FAM178B: variants seen among roughly 807,000 people sequenced by gnomAD.
The protein encoded by FAM178B is protein FAM178B.
FAM178B carries 82 observed loss-of-function variants against 91.7 expected under a neutral mutation model. The observed-to-expected ratio is 0.89, with a 90% CI of 0.75 to 1.07. The LOEUF (loss-of-function observed/expected upper bound fraction) is 1.07. FAM178B is among the 50% of genes least tolerant of loss of function. The pLI, the probability that FAM178B is intolerant of heterozygous loss-of-function variation, is 0.00. For synonymous variants in FAM178B, 368 were observed against 359.4 expected, an observed-to-expected ratio of 1.02 and a Z score of -0.27; for missense variants, 769 against 846.7, an observed-to-expected ratio of 0.91 and a Z score of 1.14.
intron 1 of FAM178B, among the ~76,000 whole-genome samples, chr2:96,977,073 G>T (rs574287869): frequency 2.3e-4 from 34 of 147,282 alleles, no homozygotes; most frequent in African/African-American, 8.5e-4. Context: ...CAGGCACCTG[G>T]AGTCCCAGCT....
intron 12 of FAM178B, among the ~76,000 whole-genome samples, chr2:96,917,131 C>A (rs1173087298): frequency 1.3e-5 from 2 of 152,120 alleles, no homozygotes; most frequent in African/African-American, 4.8e-5. Flanking sequence ...CAGAGGCTGG[C>A]GGCCAGCCAG....
chr2:96,893,941 GGCACTA>G lies in FAM178B; in HGVS notation c.1755_1760del (p.Ser586_Ala587del). ...GCTCACTCACCTTGTGGTCTAGCTC[GGCACTA>G]GCCTTTGGCTGTTGCTCCTGGCAGG... On this transcript the variant is annotated inframe_deletion, in exon 14 of 17. Coordinates refer to ENST00000490605, the MANE Select transcript of FAM178B (RefSeq NM_001122646.3). The G allele has an allele frequency of 6.2e-7, 1 of 1,612,480 alleles. No individual in the cohort carries two copies. Among genetic ancestry groups the G allele is most frequent in the Non-Finnish European group, 8.5e-7 (1 of 1,179,482 alleles).
intron 13 of FAM178B, chr2:96,895,054 C>A (rs1196454490): frequency 1.6e-6 from 2 of 1,289,224 alleles, no homozygotes; most frequent in African/African-American, 1.5e-5. Flanking sequence ...CCCCAACAGT[C>A]CATCACCATG....
chr2:96,912,116 G>A (rs1165678308), intron 12 of FAM178B, among the ~76,000 whole-genome samples: 1 of 152,130 alleles, frequency 6.6e-6, no homozygotes, highest in African/African-American at 2.4e-5. Context: ...TGCGGGGAGA[G>A]ACAAAGGAAA....
At chr2:96,904,775 T>C (rs773698705) in intron 12 of FAM178B, among the ~76,000 whole-genome samples, 42 of 152,048 alleles carry the variant, frequency 2.8e-4, no homozygotes, top group Admixed American at 1.4e-3. Context: ...CTACTCAGGA[T>C]GTTGAGGTGG....
chr2:96,950,190 C>T, intron 7 of FAM178B: 1 of 985,052 alleles, frequency 1.0e-6, no homozygotes, highest in Middle Eastern at 5.2e-4. Flanking sequence ...TCAGATGGGT[C>T]CTTTGTGCCT....
intron 12 of FAM178B, among the ~76,000 whole-genome samples, chr2:96,913,049 T>C (rs961724533): frequency 6.6e-6 from 1 of 152,144 alleles, no homozygotes; most frequent in African/African-American, 2.4e-5. Context: ...CAGGAACGCA[T>C]TTATTTGCTG....
intron 8 of FAM178B, among the ~76,000 whole-genome samples, chr2:96,940,305 G>A (rs1164436774): frequency 1.3e-5 from 2 of 152,190 alleles, no homozygotes; most frequent in Non-Finnish European, 2.9e-5. Context: ...TGCTGCCACC[G>A]CCACAGGAGA....
chr2:96,878,433 T>A lies in FAM178B; in HGVS notation c.1837A>T (p.Ile613Phe). 6.2e-7 allele frequency: 1 copy of A among 1,613,976 alleles called. No individual in the cohort carries two copies. The highest frequency in any genetic ancestry group is 2.2e-5 in the East Asian group (1 of 44,880). The change falls in exon 15 of 17, where the codon ATC (isoleucine) becomes TTC (phenylalanine). Residue 613 changes from isoleucine to phenylalanine, a missense_variant. Physicochemically the swap from Ile to Phe is conservative, Grantham distance 21. Coordinates refer to ENST00000490605, the MANE Select transcript of FAM178B (RefSeq NM_001122646.3). Reference sequence around the variant, plus strand: ...AGACTCACCCACTGGTCTGGAGTGATGTCCTGGCAGCTAACAACTACCCCG... The same window carrying A: ...AGACTCACCCACTGGTCTGGAGTGAAGTCCTGGCAGCTAACAACTACCCCG... ...LAGVVVSCQD[I>F]TPDQWGELQL... is the part of the protein sequence containing the mutation.
chr2:96,914,712 G>A (rs1332506193), intron 12 of FAM178B, among the ~76,000 whole-genome samples: 1 of 152,156 alleles, frequency 6.6e-6, no homozygotes, highest in Non-Finnish European at 1.5e-5. Context: ...AACACAGGGA[G>A]ATCCTGTCTC....
In FAM178B at chr2:96,927,701, C is replaced by A. The variant is rs72942950; in HGVS notation, c.1193+1505G>T. ...GTCACGCAGCATGAAGGGCAAGCCG[C>A]AGTCAAATCCTGGGAGAACCGGGAG... is the stretch of plus-strand genomic sequence containing the variant. On this transcript the variant is annotated intron_variant, in intron 9 of 16. Coordinates refer to ENST00000490605, the MANE Select transcript of FAM178B (RefSeq NM_001122646.3). 8.8e-3 allele frequency among the ~76,000 whole-genome samples: 1,341 copies of A among 152,328 alleles called. 18 individuals carry two copies. The highest frequency in any genetic ancestry group is 0.03 in the African/African-American group (1,258 of 41,570).
intron 6 of FAM178B, 72 bp from the exon 7 acceptor site, chr2:96,951,556 G>T: frequency 8.7e-7 from 1 of 1,144,840 alleles, no homozygotes; most frequent in Non-Finnish European, 1.3e-6. Context: ...ACCGCGGGAG[G>T]CTGTCACTAC....
intron 14 of FAM178B, among the ~76,000 whole-genome samples, chr2:96,879,887 G>A (rs886253256): frequency 6.6e-6 from 1 of 152,258 alleles, no homozygotes; most frequent in Non-Finnish European, 1.5e-5. Context: ...GCGATGCACT[G>A]CTGGCTCCCT....
intron 14 of FAM178B, among the ~76,000 whole-genome samples, chr2:96,893,000 G>A (rs1033803729): frequency 2.6e-5 from 4 of 152,216 alleles, no homozygotes; most frequent in Non-Finnish European, 5.9e-5. Context: ...TTCCAGAAGA[G>A]GAGCGTGCAC....
At position 96,976,820 on chromosome 2, in the gene FAM178B, C is replaced by T. The variant is rs1379803298; in HGVS notation, c.74-4214G>A. Among the ~76,000 whole-genome samples the T allele has an allele frequency of 8.6e-5, 13 of 151,432 alleles. No individual in the cohort carries two copies. The East Asian group carries it at 2.5e-3, about 29-fold the overall frequency. On this transcript the variant is annotated intron_variant, in intron 1 of 16. Transcript: ENST00000490605. ...CTAAGATCATGCCACTGCACTCTGG[C>T]CTGGACAACAAAGGGAGACTCATTT...
chr2:96,910,380 A>G (rs2081131393), intron 12 of FAM178B, among the ~76,000 whole-genome samples: 1 of 151,906 alleles, frequency 6.6e-6, no homozygotes, highest in Admixed American at 6.6e-5. Flanking sequence ...AGCCTCCCAC[A>G]CTCTCTTAGG....
At chr2:96,883,733 C>T (rs1056090177) in intron 14 of FAM178B, among the ~76,000 whole-genome samples, 2 of 152,208 alleles carry the variant, frequency 1.3e-5, no homozygotes, top group Admixed American at 6.5e-5. Context: ...CACCCCCAGC[C>T]GTCCCTGCCT....
At chr2:96,886,772 C>CCACT (rs1248681838) in intron 14 of FAM178B, among the ~76,000 whole-genome samples, 1 of 152,190 alleles carries the variant, frequency 6.6e-6, no homozygotes, top group Non-Finnish European at 1.5e-5. Context: ...GGGACCTTCC[C>CCACT]CACTGTGCTT....
chr2:96,970,097 T>C (rs761686542), intron 4 of FAM178B, among the ~76,000 whole-genome samples: 1 of 152,188 alleles, frequency 6.6e-6, no homozygotes, highest in Admixed American at 6.5e-5. Flanking sequence ...CATGCCCCCA[T>C]GAAGACGACC....
Sources: allele counts gnomAD v4.1 joint callset (sites outside exome capture counted in the v4.1 genomes callset), GRCh38; gene constraint gnomAD v4.1.1; transcripts MANE v1.5; gene names NCBI Gene and HGNC (gene_info 2026-07-23, HGNC 2026-07-21).